The following TECRL variants were observed in gnomAD, a reference collection of about 807,000 sequenced individuals.
TECRL encodes trans-2,3-enoyl-CoA reductase-like.
In TECRL, 63 loss-of-function variants were observed where a neutral mutation model predicts 52.8. The ratio of observed to expected loss-of-function variants is 1.19; its 90% confidence interval spans 0.97 to 1.47. The LOEUF (loss-of-function observed/expected upper bound fraction) is 1.47. TECRL is among the 40% of genes most tolerant of loss of function. TECRL has a pLI of 0.00. For missense variants in TECRL, 482 were observed against 429.6 expected (o/e 1.12, Z -1.08); for synonymous variants, 164 against 141.9 (o/e 1.16, Z -1.10).
chr4:64,393,577 A>T (rs1279058950), intron 1 of TECRL, among the ~76,000 whole-genome samples: 2 of 151,988 alleles, frequency 1.3e-5, no homozygotes, highest in African/African-American at 4.8e-5. Flanking sequence ...CAATATGAGG[A>T]TATTTTAGTT....
At chr4:64,305,320 G>A in intron 6 of TECRL, 82 bp from the exon 7 acceptor site, 1 of 1,236,410 alleles carries the variant, frequency 8.1e-7, no homozygotes, top group South Asian at 1.3e-5. Context: ...TATATTACAT[G>A]CATGTCACAA....
chr4:64,338,727 A>T (rs865917975), intron 2 of TECRL, among the ~76,000 whole-genome samples: 14 of 152,326 alleles, frequency 9.2e-5, no homozygotes, highest in Non-Finnish European at 1.5e-4. Flanking sequence ...TCAAAACCAC[A>T]ATGAAATATC....
rs1454638254 is a variant in TECRL, at chr4:64,279,340, A to G, written c.*732T>C. On this transcript the variant is annotated 3_prime_UTR_variant, in exon 12 of 12. Coordinates refer to ENST00000381210, the MANE Select transcript of TECRL (RefSeq NM_001010874.5). ...TAATCATGGCTCTCTGTAGCCTTGA[A>G]CGCCTGAGCTGGAGCAACCTCGAGT... 6.6e-6 allele frequency: 1 copy of G among 152,040 alleles called. No individual in the cohort carries two copies. The highest frequency in any genetic ancestry group is 1.9e-4 in the East Asian group (1 of 5,170). 9.4% of individuals were successfully genotyped at this position (152,040 alleles called of 1,614,324 possible). A position where few individuals can be genotyped will look rare whatever the true frequency, so the allele number is the denominator to read the frequency against.
intron 1 of TECRL, among the ~76,000 whole-genome samples, chr4:64,400,073 G>T (rs1724244439): frequency 6.6e-6 from 1 of 152,234 alleles, no homozygotes. Flanking sequence ...TGTTAGAGCA[G>T]CCATAGGGAC....
At chr4:64,368,932 T>C (rs1721801798) in intron 2 of TECRL, among the ~76,000 whole-genome samples, 2 of 152,170 alleles carry the variant, frequency 1.3e-5, no homozygotes, top group Admixed American at 6.6e-5. Flanking sequence ...TTTATATGCA[T>C]TCCAACTGTC....
Position 64,314,741 on chromosome 4 carries a change from C to T in TECRL, c.458G>A (p.Gly153Glu), listed in dbSNP as rs1717366708. 2 of 1,612,962 alleles carry T rather than the reference C, an allele frequency of 1.2e-6. No homozygotes were observed. The highest frequency in any genetic ancestry group is 1.7e-5 in the Admixed American group (1 of 59,936). The change falls in exon 5 of 12, where the codon GGA (glycine) becomes GAA (glutamate). Residue 153 changes from glycine to glutamate, a missense_variant. By Grantham distance (98) the Gly-to-Glu change is moderately conservative. Coordinates refer to ENST00000381210, the MANE Select transcript of TECRL (RefSeq NM_001010874.5). The stretch of plus-strand genomic sequence containing the variant: ...AAAGAGGAGGTATATTAGCAGAGGT[C>T]CTGTGTATTCAGCCAAAAACACCTG... ...WTTVFLAEYTGPLLIYLLFYL... is the reference protein window; with the variant it reads ...WTTVFLAEYTEPLLIYLLFYL...
chr4:64,309,089 T>C (rs1218817877), intron 6 of TECRL, among the ~76,000 whole-genome samples: 1 of 152,158 alleles, frequency 6.6e-6, no homozygotes, highest in East Asian at 1.9e-4. Context: ...TTGATTGTAA[T>C]ATCTTCTATT....
At chr4:64,388,264 A>G (rs976333050) in intron 1 of TECRL, among the ~76,000 whole-genome samples, 5 of 137,224 alleles carry the variant, frequency 3.6e-5, no homozygotes, top group Non-Finnish European at 6.2e-5. Context: ...CTCCAGCACT[A>G]TTTGATGAAA....
At chr4:64,397,991 C>T (rs1724078312) in intron 1 of TECRL, among the ~76,000 whole-genome samples, 1 of 151,344 alleles carries the variant, frequency 6.6e-6, no homozygotes, top group African/African-American at 2.4e-5. Context: ...CTGTTTTATG[C>T]TTATTCCCCA....
intron 6 of TECRL, among the ~76,000 whole-genome samples, chr4:64,305,560 G>T (rs1368442445): frequency 6.6e-6 from 1 of 152,056 alleles, no homozygotes; most frequent in Non-Finnish European, 1.5e-5. Context: ...GACAAAATAT[G>T]GTTAAGAATT....
chr4:64,349,065 C>CAA (rs11318611), intron 2 of TECRL, among the ~76,000 whole-genome samples: 70,107 of 127,846 alleles, frequency 0.55, 20,127 homozygotes, highest in Non-Finnish European at 0.68. Context: ...TTGGAAATTA[C>CAA]AAAAAAAAAA....
chr4:64,303,243 A>C (rs2109982056), intron 7 of TECRL, among the ~76,000 whole-genome samples: 1 of 151,734 alleles, frequency 6.6e-6, no homozygotes, highest in South Asian at 2.1e-4. Flanking sequence ...TTTTACAGAA[A>C]AAAAACAATA....
At chr4:64,385,116 T>A (rs920106360) in intron 1 of TECRL, among the ~76,000 whole-genome samples, 1 of 152,050 alleles carries the variant, frequency 6.6e-6, no homozygotes, top group African/African-American at 2.4e-5. Flanking sequence ...ATCCTCCAGT[T>A]CCTGCACAAT....
intron 7 of TECRL, among the ~76,000 whole-genome samples, chr4:64,301,597 A>G (rs1033937384): frequency 5.9e-5 from 9 of 151,278 alleles, no homozygotes; most frequent in African/African-American, 1.2e-4. Flanking sequence ...GTTAAAATTG[A>G]TAAGTGCTAC....
At chr4:64,304,103 C>G (rs1724184422) in intron 7 of TECRL, among the ~76,000 whole-genome samples, 1 of 151,790 alleles carries the variant, frequency 6.6e-6, no homozygotes, top group South Asian at 2.1e-4. Flanking sequence ...ACAAAATTAA[C>G]TACTATTATT....
At chr4:64,305,309 T>G in intron 6 of TECRL, 71 bp from the exon 7 acceptor site, 1 of 1,333,304 alleles carries the variant, frequency 7.5e-7, no homozygotes, top group Non-Finnish European at 1.1e-6. Context: ...TGACATACAT[T>G]TATATTACAT....
At chr4:64,286,434 G>C (rs1412148191) in intron 9 of TECRL, among the ~76,000 whole-genome samples, 3 of 151,864 alleles carry the variant, frequency 2.0e-5, no homozygotes, top group Non-Finnish European at 4.4e-5. Context: ...AGAGAAGCTA[G>C]AGACAGAAGA....
chr4:64,308,807 T>C (rs1000578645), intron 6 of TECRL, among the ~76,000 whole-genome samples: 6 of 152,212 alleles, frequency 3.9e-5, no homozygotes, highest in African/African-American at 1.4e-4. Context: ...CTTGTACTAA[T>C]ATTAATGGAT....
chr4:64,341,214 C>T (rs1239126449), intron 2 of TECRL, among the ~76,000 whole-genome samples: 1 of 152,104 alleles, frequency 6.6e-6, no homozygotes, highest in African/African-American at 2.4e-5. Flanking sequence ...TCATCTTGCC[C>T]ACCCTCCACT....
Sources: gnomAD v4.1 joint callset for allele counts (sites outside exome capture counted in the v4.1 genomes callset) on GRCh38, gnomAD v4.1.1 for gene constraint, MANE v1.5 for transcripts, NCBI Gene and HGNC (gene_info 2026-07-23, HGNC 2026-07-21) for gene names.